The following SLC7A8 variants were observed in gnomAD, a reference collection of about 807,000 sequenced individuals.
SLC7A8 encodes large neutral amino acids transporter small subunit 2.
Under a neutral mutation model 51.2 loss-of-function variants are expected in SLC7A8, and 30 were observed. That is an observed-to-expected ratio of 0.59 (90% CI 0.44 to 0.80). The LOEUF is 0.80. SLC7A8 is among the 30% of genes least tolerant of loss of function. SLC7A8 has a pLI of 0.00. For missense variants in SLC7A8, 612 were observed against 674.4 expected (o/e 0.91, Z 1.03); for synonymous variants, 257 against 275.8 (o/e 0.93, Z 0.67).
intron 3 of SLC7A8, among the ~76,000 whole-genome samples, chr14:23,160,944 T>TC (rs2048918266): frequency 6.6e-6 from 1 of 150,438 alleles, no homozygotes; most frequent in Non-Finnish European, 1.5e-5. Flanking sequence ...GTAAAATACT[T>TC]TCTCTCTCTC....
intron 1 of SLC7A8, among the ~76,000 whole-genome samples, chr14:23,182,057 T>C (rs1877204492): frequency 6.6e-6 from 1 of 152,178 alleles, no homozygotes; most frequent in Admixed American, 6.5e-5. Context: ...TTACTCCTGA[T>C]TCCCTCTGAG....
Position 23,127,383 on chromosome 14 carries a change from G to A in SLC7A8, c.1442-40C>T, listed in dbSNP as rs373705032. On this transcript the variant is annotated intron_variant, in intron 10 of 10. Coordinates refer to ENST00000316902, the MANE Select transcript of SLC7A8 (RefSeq NM_012244.4). Reference sequence around the variant, plus strand: ...CACACAGAAACCAGGCCAATGCTGAGTATCCCACCAACCTGGCCAAGTGGC... The same window carrying A: ...CACACAGAAACCAGGCCAATGCTGAATATCCCACCAACCTGGCCAAGTGGC... 47 of 1,603,136 alleles carry A rather than the reference G, an allele frequency of 2.9e-5. No individual in the cohort carries two copies. The African/African-American group carries it at 5.3e-4, about 18-fold the overall frequency.
In SLC7A8 at chr14:23,131,537, C is replaced by A. The variant is rs758825641; in HGVS notation, c.1037G>T (p.Arg346Leu). The A allele has an allele frequency of 5.6e-6, 9 of 1,605,798 alleles. No individual in the cohort carries two copies. The highest frequency in any genetic ancestry group is 1.7e-5 in the Admixed American group (1 of 58,470). The change falls in exon 8 of 11, where the codon CGA becomes CTA. Residue 346 changes from arginine to leucine, a missense_variant. Physicochemically the swap from Arg to Leu is moderately radical, Grantham distance 102. Transcript: ENST00000316902. ...TSSRLFFAGA[R>L]EGHLPSVLAM... is the part of the protein sequence containing the mutation. The stretch of plus-strand genomic sequence containing the variant: ...CAACACACTGGGAAGGTGGCCCTCT[C>A]GGGCTCCAGCGAAGAACAGCCTGTC...
chr14:23,128,195 A>G lies in SLC7A8; in HGVS notation c.1265T>C (p.Ile422Thr). The stretch of plus-strand genomic sequence containing the variant: ...GTAGATGATGGGGAACAGCAGGTTG[A>G]TCTGTGGAGCAGAGGCATGAGGCGT... ...KKPDIPRPIK[I>T]NLLFPIIYLL... Residue 422 changes from isoleucine (I) to threonine (T), a missense_variant and splice_region_variant, in exon 10 of 11, where the codon ATC becomes ACC. Ile to Thr is a moderately conservative substitution (Grantham distance 89). Coordinates refer to ENST00000316902, the MANE Select transcript of SLC7A8 (RefSeq NM_012244.4). This position sits in a 1 kb window ranked among gnomAD's most constrained non-coding sequence, Gnocchi z 4.3. 1 of 1,614,052 alleles carries G rather than the reference A, an allele frequency of 6.2e-7. No homozygotes were observed. The highest frequency in any genetic ancestry group is 8.5e-7 in the Non-Finnish European group (1 of 1,179,986).
chr14:23,167,815 A>G (rs1313331989), intron 1 of SLC7A8, among the ~76,000 whole-genome samples: 3 of 152,088 alleles, frequency 2.0e-5, no homozygotes, highest in South Asian at 2.1e-4. Context: ...TGTTCTAAGG[A>G]CATCTCAAGC....
intron 10 of SLC7A8, among the ~76,000 whole-genome samples, chr14:23,127,567 C>A (rs565009969): frequency 6.6e-6 from 1 of 152,234 alleles, no homozygotes; most frequent in Non-Finnish European, 1.5e-5. Context: ...TGCCCACTGA[C>A]CCCTAAGTCC....
intron 8 of SLC7A8, 136 bp downstream of exon 8, chr14:23,131,324 AT>A (rs1213749772): frequency 3.4e-6 from 2 of 583,780 alleles, no homozygotes; most frequent in African/African-American, 3.8e-5. Context: ...CATTTGCCAG[AT>A]CCTCTAAGAT....
In SLC7A8 at chr14:23,166,703, T is replaced by C. The variant is rs142498590; in HGVS notation, c.152-163A>G. Among the ~76,000 whole-genome samples the C allele has an allele frequency of 2.9e-3, 449 of 152,278 alleles. 2 individuals carry two copies. Among genetic ancestry groups the C allele is most frequent in the Non-Finnish European group, 4.6e-3 (311 of 68,026 alleles). On this transcript the variant is annotated intron_variant, in intron 1 of 10. Coordinates refer to ENST00000316902, the MANE Select transcript of SLC7A8 (RefSeq NM_012244.4). The stretch of plus-strand genomic sequence containing the variant: ...TGCCTAGCAATAATTCTCCCTGAAG[T>C]AGGGGAAAGAGGAGCAGAGAACTGA...
chr14:23,145,346 GTGAAACCCGTCT>G (rs1050067248), intron 3 of SLC7A8, among the ~76,000 whole-genome samples: 3 of 151,504 alleles, frequency 2.0e-5, no homozygotes, highest in Admixed American at 6.6e-5. Context: ...GGCTAACACA[GTGAAACCCGTCT>G]CTACCAAAAA....
chr14:23,154,335 G>A, intron 3 of SLC7A8: 1 of 1,000,138 alleles, frequency 1.0e-6, no homozygotes, highest in Non-Finnish European at 1.2e-6. Context: ...CCTCCAGCTG[G>A]AGCAAAAGGG....
chr14:23,182,586 T>C (rs989629227), intron 1 of SLC7A8, among the ~76,000 whole-genome samples, 178 bp downstream of exon 1: 1 of 152,192 alleles, frequency 6.6e-6, no homozygotes, highest in African/African-American at 2.4e-5. Context: ...GAGGAAGAGA[T>C]GTATGATGTA....
At chr14:23,127,946 C>T (rs1594813697) in intron 10 of SLC7A8, 73 bp downstream of exon 10, 2 of 1,425,752 alleles carry the variant, frequency 1.4e-6, no homozygotes, top group East Asian at 2.3e-5. Context: ...CTGGTGGCTC[C>T]CCAACCCCAT....
chr14:23,159,306 C>G (rs2140330957), intron 3 of SLC7A8, among the ~76,000 whole-genome samples: 1 of 152,230 alleles, frequency 6.6e-6, no homozygotes, highest in Admixed American at 6.5e-5. Context: ...AGATGTTAGT[C>G]AAACTGTCCA....
chr14:23,166,527 G>A lies in SLC7A8; in HGVS notation c.165C>T (p.Gly55=), dbSNP rs1566372109. The A allele has an allele frequency of 6.2e-7, 1 of 1,614,024 alleles. No homozygotes were observed. Among genetic ancestry groups the A allele is most frequent in the Non-Finnish European group, 8.5e-7 (1 of 1,179,932 alleles). Residue 55 remains glycine, a synonymous_variant, in exon 2 of 11, where the codon GGC becomes GGT. Transcript: ENST00000316902. ...CCTTTGGCGAGACAAAGATTCCAGAGCCGATGATGTTCCCTGCATGAGGCA... is the reference window on the plus strand; with the variant it reads ...CCTTTGGCGAGACAAAGATTCCAGAACCGATGATGTTCCCTGCATGAGGCA... ...ACGIIVGNII[G]SGIFVSPKGV...
In SLC7A8 at chr14:23,165,082, G is replaced by C. The variant is rs141860432; in HGVS notation, c.508+203C>G. On this transcript the variant is annotated intron_variant, in intron 3 of 10. Transcript: ENST00000316902. The surrounding 1 kb of genome is among the most constrained non-coding windows in gnomAD (Gnocchi z 4.2). Reference sequence around the variant, plus strand: ...GAGGCTGTCCCTCAGACTGGGTGCAGTGGCTCACACCTGTAACCACAACAC... The same window carrying C: ...GAGGCTGTCCCTCAGACTGGGTGCACTGGCTCACACCTGTAACCACAACAC... 0.014 allele frequency among the ~76,000 whole-genome samples: 2,164 copies of C among 152,144 alleles called. 24 individuals are homozygous for C. Among genetic ancestry groups the C allele is most frequent in the Non-Finnish European group, 0.021 (1,422 of 67,984 alleles).
intron 3 of SLC7A8, among the ~76,000 whole-genome samples, chr14:23,150,460 G>C (rs533131294): frequency 9.7e-4 from 148 of 152,308 alleles, no homozygotes; most frequent in Non-Finnish European, 1.7e-3. Context: ...GACCTGGCAG[G>C]TCTGAATCTG....
At chr14:23,138,378 G>C (rs1414173136) in intron 6 of SLC7A8, among the ~76,000 whole-genome samples, 2 of 152,174 alleles carry the variant, frequency 1.3e-5, no homozygotes, top group Admixed American at 1.3e-4. Context: ...CAGGTGGTGT[G>C]ATCCAGGCCT....
intron 4 of SLC7A8, among the ~76,000 whole-genome samples, chr14:23,141,568 G>A (rs2048745625): frequency 6.6e-6 from 1 of 152,152 alleles, no homozygotes. Context: ...TCCTGCTTTG[G>A]CCTCCTGAGT....
Position 23,131,563 on chromosome 14 carries a change from A to G in SLC7A8, c.1017-6T>C. The G allele has an allele frequency of 6.3e-7, 1 of 1,594,756 alleles. No individual in the cohort carries two copies. Among genetic ancestry groups the G allele is most frequent in the East Asian group, 2.3e-5 (1 of 43,926 alleles). ...GGGCTCCAGCGAAGAACAGCCTGTC[A>G]GGGAGAAAAGCAGGTCAGCCTGGGA... On this transcript the variant is annotated splice_polypyrimidine_tract_variant and splice_region_variant and intron_variant, in intron 7 of 10. Coordinates refer to ENST00000316902, the MANE Select transcript of SLC7A8 (RefSeq NM_012244.4).
Sources: allele counts gnomAD v4.1 joint callset (sites outside exome capture counted in the v4.1 genomes callset), GRCh38; gene constraint gnomAD v4.1.1; non-coding constraint Gnocchi (gnomAD v3.1); transcripts MANE v1.5; gene names NCBI Gene and HGNC (gene_info 2026-07-23, HGNC 2026-07-21).